RCC1L: variants seen among roughly 807,000 people sequenced by gnomAD.
RCC1L encodes RCC1-like G exchanging factor-like protein.
A neutral mutation model predicts 58.6 loss-of-function variants in RCC1L; 46 were observed. The ratio of observed to expected loss-of-function variants is 0.79; its 90% CI spans 0.62 to 1.00. The LOEUF is 1.00. Among genes scored for constraint, RCC1L ranks in the 50% least tolerant of loss-of-function variants. RCC1L has a pLI of 0.00. For missense variants in RCC1L, 636 were observed against 623.6 expected, an observed-to-expected ratio of 1.02 and a Z score of -0.21; for synonymous variants, 281 against 262.9, an observed-to-expected ratio of 1.07 and a Z score of -0.67.
At chr7:75,034,366 A>C (rs1805388273) in intron 10 of RCC1L, among the ~76,000 whole-genome samples, 1 of 152,184 alleles carries the variant, frequency 6.6e-6, no homozygotes, top group Non-Finnish European at 1.5e-5. Context: ...AATACAAAAA[A>C]TTAGCCAAGC....
At chr7:75,046,988 C>T (rs983132110) in intron 10 of RCC1L, among the ~76,000 whole-genome samples, 2 of 152,036 alleles carry the variant, frequency 1.3e-5, no homozygotes, top group Non-Finnish European at 2.9e-5. Context: ...GACGGAGTCT[C>T]GCTCTGTCAC....
chr7:75,072,840 G>C (rs1554446348), intron 1 of RCC1L, among the ~76,000 whole-genome samples: 1 of 152,116 alleles, frequency 6.6e-6, no homozygotes, highest in Non-Finnish European at 1.5e-5. Context: ...TGCCGGGCTA[G>C]GTGGCAGGAC....
At chr7:75,036,512 T>A (rs962333947) in intron 10 of RCC1L, among the ~76,000 whole-genome samples, 5 of 152,104 alleles carry the variant, frequency 3.3e-5, no homozygotes, top group African/African-American at 1.2e-4. Flanking sequence ...AAAGCAGGCA[T>A]CCTTCTCACC....
Position 75,043,127 on chromosome 7 carries a change from G to T in RCC1L, c.1318-18C>A. The stretch of plus-strand genomic sequence containing the variant: ...ATCGTCACCTGAAAAATAAGATCCA[G>T]CATACCATGGGTGGGGGTGGCGCAC... On this transcript the variant is annotated intron_variant, in intron 10 of 10. Transcript: ENST00000610322. 2 of 1,613,870 alleles carry T rather than the reference G, an allele frequency of 1.2e-6. No homozygotes were observed. The highest frequency in any genetic ancestry group is 2.7e-5 in the African/African-American group (2 of 75,050).
chr7:75,066,824 T>A, intron 2 of RCC1L, 32 bp from the exon 3 acceptor site: 4 of 1,584,136 alleles, frequency 2.5e-6, no homozygotes, highest in Non-Finnish European at 3.4e-6. Flanking sequence ...GATTGAGGCA[T>A]GCATTTCTAC....
chr7:75,053,319 C>T (rs1226439611), intron 9 of RCC1L, among the ~76,000 whole-genome samples: 1 of 152,042 alleles, frequency 6.6e-6, no homozygotes, highest in Non-Finnish European at 1.5e-5. Flanking sequence ...CTGATGCACA[C>T]GGCCCACTCT....
intron 4 of RCC1L, among the ~76,000 whole-genome samples, chr7:75,063,755 C>A (rs1297343710): frequency 1.3e-5 from 2 of 151,954 alleles, no homozygotes; most frequent in Non-Finnish European, 2.9e-5. Context: ...CCCATCTCTA[C>A]TAAAAATACA....
At chr7:75,059,294 A>G (rs1231770519) in intron 6 of RCC1L, among the ~76,000 whole-genome samples, 372 of 144,504 alleles carry the variant, frequency 2.6e-3, no homozygotes, top group Non-Finnish European at 4.1e-3. Flanking sequence ...AGACGGTCTC[A>G]CTCTGTTCCT....
At chr7:75,062,542 G>A (rs993020499) in intron 5 of RCC1L, among the ~76,000 whole-genome samples, 13 of 152,270 alleles carry the variant, frequency 8.5e-5, no homozygotes, top group South Asian at 8.3e-4. Context: ...AAAGCCAGCC[G>A]TATCACAGTA....
At chr7:75,065,269 T>C (rs782662229) in intron 3 of RCC1L, among the ~76,000 whole-genome samples, 35 of 152,100 alleles carry the variant, frequency 2.3e-4, no homozygotes, top group Admixed American at 1.2e-3. Flanking sequence ...AAAATGAAAT[T>C]TGAGGCTAGG....
chr7:75,039,171 G>A (rs995882756), downstream of RCC1L, among the ~76,000 whole-genome samples: 3 of 152,206 alleles, frequency 2.0e-5, no homozygotes, highest in Non-Finnish European at 4.4e-5. Flanking sequence ...TCCCACTGCC[G>A]TCCAGGTGAA....
At chr7:75,035,805 C>T (rs1805419958) in intron 10 of RCC1L, among the ~76,000 whole-genome samples, 1 of 151,798 alleles carries the variant, frequency 6.6e-6, no homozygotes, top group African/African-American at 2.4e-5. Context: ...AGTTCAATAC[C>T]ACCCTGGGCA....
intron 1 of RCC1L, among the ~76,000 whole-genome samples, chr7:75,072,364 G>A (rs781980776): frequency 7.3e-5 from 11 of 150,836 alleles, no homozygotes; most frequent in African/African-American, 2.7e-4. Flanking sequence ...TTTAGTTTTT[G>A]TTATTGCTTT....
chr7:75,056,372 A>C, intron 8 of RCC1L: 1 of 865,512 alleles, frequency 1.2e-6, no homozygotes, highest in African/African-American at 1.7e-5. Context: ...GAGCGTATAA[A>C]TCATCCAGAA....
Position 75,073,507 on chromosome 7 carries a change from A to T in RCC1L, c.231T>A (p.Phe77Leu), listed in dbSNP as rs782556391. ...GCCCGGGCCCGGAGCTGGGCACCAC[A>T]AAGGAAGGCACGCCCAGCGCCCCCG... ...SFSGALGVPS[F>L]VVPSSGPGPR... The change falls in exon 1 of 11, where the codon TTT (phenylalanine) becomes TTA (leucine). Residue 77 changes from phenylalanine (F) to leucine (L), a missense_variant. Coordinates refer to ENST00000610322, the MANE Select transcript of RCC1L (RefSeq NM_030798.5). The T allele has an allele frequency of 9.8e-6, 14 of 1,428,074 alleles. No individual in the cohort carries two copies. The South Asian group carries it at 1.9e-4, about 19-fold the overall frequency. The allele number at this position is 1,428,074 out of a possible 1,614,324, so 88.5% of individuals were successfully genotyped here.
intron 2 of RCC1L, among the ~76,000 whole-genome samples, chr7:75,069,784 C>T (rs1203875617): frequency 7.3e-5 from 11 of 151,492 alleles, no homozygotes; most frequent in Admixed American, 2.6e-4. Flanking sequence ...AGGCTGGTCT[C>T]GAACTCCTGG....
chr7:75,033,562 G>A (rs1041826916), intron 10 of RCC1L, among the ~76,000 whole-genome samples: 3 of 152,064 alleles, frequency 2.0e-5, no homozygotes, highest in Non-Finnish European at 4.4e-5. Context: ...AGGCATGGTG[G>A]CAGCCACCTG....
At chr7:75,028,070 G>A in exon 11 of RCC1L, 1 of 1,533,620 alleles carries the variant, frequency 6.5e-7, no homozygotes, top group Non-Finnish European at 8.7e-7. Flanking sequence ...CTGGCGGATG[G>A]GGCAGGTGCC....
chr7:75,030,696 C>G (rs1460090093), intron 10 of RCC1L, among the ~76,000 whole-genome samples: 1 of 152,154 alleles, frequency 6.6e-6, no homozygotes, highest in Non-Finnish European at 1.5e-5. Context: ...GCAAGAGATT[C>G]AAGGGCCCAG....
Sources: gnomAD v4.1 joint callset for allele counts (sites outside exome capture counted in the v4.1 genomes callset) on GRCh38, gnomAD v4.1.1 for gene constraint, MANE v1.5 for transcripts, NCBI Gene and HGNC (gene_info 2026-07-23, HGNC 2026-07-21) for gene names.